The following HS3ST4 variants were observed in gnomAD, a reference collection of about 807,000 sequenced individuals.
HS3ST4 encodes the protein heparan sulfate-glucosamine 3-sulfotransferase 4, also known as heparan sulfate glucosamine 3-O-sulfotransferase 4.
Under a neutral mutation model 29.2 loss-of-function variants are expected in HS3ST4, and 17 were observed. The observed-to-expected ratio is 0.58, with a 90% CI of 0.40 to 0.87. The LOEUF (loss-of-function observed/expected upper bound fraction) is 0.87. Ranked by LOEUF, HS3ST4 falls within the 40% of genes least tolerant of loss-of-function variation. The probability of loss-of-function intolerance (pLI) is 0.00; values close to 1 mark genes in which losing one functional copy is unlikely to be tolerated. For synonymous variants in HS3ST4, 314 were observed against 285.7 expected (o/e 1.10, Z -1.00); for missense variants, 627 against 634.5 (o/e 0.99, Z 0.13).
At chr16:26,027,153 A>G (rs984488237) in intron 1 of HS3ST4, among the ~76,000 whole-genome samples, 2 of 152,196 alleles carry the variant, frequency 1.3e-5, no homozygotes, top group African/African-American at 2.4e-5. Context: ...TCACTTGTCA[A>G]AAACAAAAGT....
At chr16:25,865,132 A>G (rs762153652) in intron 1 of HS3ST4, among the ~76,000 whole-genome samples, 11 of 152,170 alleles carry the variant, frequency 7.2e-5, no homozygotes, top group Non-Finnish European at 1.6e-4. Flanking sequence ...TGTCTTTAAC[A>G]CAGATTTCAT....
intron 1 of HS3ST4, among the ~76,000 whole-genome samples, chr16:25,977,640 A>G (rs1968957020): frequency 6.6e-6 from 1 of 152,220 alleles, no homozygotes; most frequent in Non-Finnish European, 1.5e-5. Context: ...CCTGTTCCCA[A>G]ACATAACACT....
At chr16:26,082,795 A>T (rs1898739517) in intron 1 of HS3ST4, among the ~76,000 whole-genome samples, 1 of 152,194 alleles carries the variant, frequency 6.6e-6, no homozygotes, top group South Asian at 2.1e-4. Context: ...CCAGGTGCCA[A>T]CTTCATGGAG....
intron 1 of HS3ST4, among the ~76,000 whole-genome samples, chr16:25,715,344 A>C (rs796594082): frequency 0.067 from 409 of 6,080 alleles, 2 homozygotes; most frequent in African/African-American, 0.12. Context: ...AAAAAAAAAA[A>C]ACCAAAAAAA....
At chr16:26,094,837 A>G (rs1898903218) in intron 1 of HS3ST4, among the ~76,000 whole-genome samples, 2 of 152,242 alleles carry the variant, frequency 1.3e-5, no homozygotes. Context: ...ATAAAGAGTC[A>G]AGACCCATCA....
chr16:25,935,738 T>C (rs920090265), intron 1 of HS3ST4, among the ~76,000 whole-genome samples: 4 of 152,186 alleles, frequency 2.6e-5, no homozygotes, highest in South Asian at 4.1e-4. Flanking sequence ...ACCTGGTTGT[T>C]TCCAAGTTTT....
chr16:26,073,624 C>T (rs995579237), intron 1 of HS3ST4, among the ~76,000 whole-genome samples: 6 of 152,192 alleles, frequency 3.9e-5, no homozygotes, highest in Non-Finnish European at 8.8e-5. Flanking sequence ...CCTCCCTCCT[C>T]GGCCTCCCAA....
At chr16:25,725,242 G>A (rs896710404) in intron 1 of HS3ST4, among the ~76,000 whole-genome samples, 1 of 151,944 alleles carries the variant, frequency 6.6e-6, no homozygotes, top group African/African-American at 2.4e-5. Flanking sequence ...TGGCTTCCTG[G>A]TCATCTCATT....
chr16:25,889,228 T>C (rs1967983529), intron 1 of HS3ST4, among the ~76,000 whole-genome samples: 1 of 152,182 alleles, frequency 6.6e-6, no homozygotes, highest in African/African-American at 2.4e-5. Flanking sequence ...TACAACTGAA[T>C]CTTTTCTTGC....
rs1042064285 is a variant in HS3ST4, at chr16:26,045,157, G to A, written c.735-90455G>A. On this transcript the variant is annotated intron_variant, in intron 1 of 1. Coordinates refer to ENST00000331351, the MANE Select transcript of HS3ST4 (RefSeq NM_006040.3). ...ATTTGCTTGCTCAGGGTCTACCGTG[G>A]CATTTCTCAGCTGTGTCTGAGAGAT... 2.0e-5 allele frequency among the ~76,000 whole-genome samples: 3 copies of A among 152,078 alleles called. No individual in the cohort carries two copies. The South Asian group carries it at 6.2e-4, about 32-fold the overall frequency.
chr16:25,862,441 C>T (rs935546306), intron 1 of HS3ST4, among the ~76,000 whole-genome samples: 4 of 152,172 alleles, frequency 2.6e-5, no homozygotes, highest in Non-Finnish European at 5.9e-5. Flanking sequence ...GATCCACCTG[C>T]CTGGGTCTCC....
At position 25,927,040 on chromosome 16, in the gene HS3ST4, C is replaced by A. The variant is rs1378284093; in HGVS notation, c.735-208572C>A. ...TTGTGCCGTTGCACTCCAGCCTGGG[C>A]GACAAGAGCGAAACTCCGTCTAAAA... On this transcript the variant is annotated intron_variant, in intron 1 of 1. Transcript: ENST00000331351. 2.9e-4 allele frequency among the ~76,000 whole-genome samples: 44 copies of A among 151,122 alleles called. 1 individual carries two copies. The highest frequency in any genetic ancestry group is 1.3e-4 in the Non-Finnish European group (9 of 67,956).
chr16:26,029,797 C>T lies in HS3ST4; in HGVS notation c.735-105815C>T, dbSNP rs140374222. 4.0e-3 allele frequency among the ~76,000 whole-genome samples: 610 copies of T among 152,302 alleles called. 6 individuals carry two copies. Among genetic ancestry groups the T allele is most frequent in the African/African-American group, 0.014 (596 of 41,558 alleles). On this transcript the variant is annotated intron_variant, in intron 1 of 1. Coordinates refer to ENST00000331351, the MANE Select transcript of HS3ST4 (RefSeq NM_006040.3). ...AAGGGTGCTGGCCTGAAGGAGCTGA[C>T]CCATGAGGGACTGTTTCCTGGTCAT...
chr16:25,866,469 G>A (rs981762923), intron 1 of HS3ST4, among the ~76,000 whole-genome samples: 1 of 152,188 alleles, frequency 6.6e-6, no homozygotes, highest in African/African-American at 2.4e-5. Context: ...GGAATACTAT[G>A]CAGCCATAAA....
At chr16:25,946,157 C>T (rs563097288) in intron 1 of HS3ST4, among the ~76,000 whole-genome samples, 19 of 152,270 alleles carry the variant, frequency 1.2e-4, no homozygotes, top group Non-Finnish European at 2.1e-4. Flanking sequence ...GACAACCTGT[C>T]GAGAGAGTTT....
intron 1 of HS3ST4, among the ~76,000 whole-genome samples, chr16:25,850,268 G>C (rs550564941): frequency 9.2e-5 from 14 of 152,120 alleles, no homozygotes; most frequent in African/African-American, 3.1e-4. Flanking sequence ...GATTACAGGC[G>C]TGAGCCACTG....
At chr16:25,818,226 G>A (rs1394703677) in intron 1 of HS3ST4, among the ~76,000 whole-genome samples, 1 of 152,210 alleles carries the variant, frequency 6.6e-6, no homozygotes, top group Non-Finnish European at 1.5e-5. Context: ...GTATTAGGAG[G>A]TGGGGCCCTT....
chr16:25,773,042 T>C (rs538804062), intron 1 of HS3ST4, among the ~76,000 whole-genome samples: 119 of 152,238 alleles, frequency 7.8e-4, no homozygotes, highest in African/African-American at 2.7e-3. Context: ...AAAGAAGAAA[T>C]TGGATCAGAC....
intron 1 of HS3ST4, among the ~76,000 whole-genome samples, chr16:25,868,950 T>A (rs1219046860): frequency 1.3e-5 from 2 of 152,150 alleles, no homozygotes; most frequent in South Asian, 2.1e-4. Flanking sequence ...AGCATTTAAG[T>A]GCTTGTGTAT....
Sources: allele counts gnomAD v4.1 joint callset (sites outside exome capture counted in the v4.1 genomes callset), GRCh38; gene constraint gnomAD v4.1.1; transcripts MANE v1.5; gene names NCBI Gene and HGNC (gene_info 2026-07-23, HGNC 2026-07-21).